ABCA13: variants seen among roughly 807,000 people sequenced by gnomAD.
ABCA13 encodes the protein ATP binding cassette subfamily A member 13.
In ABCA13, 476 loss-of-function variants were observed where a neutral mutation model predicts 478.7. That is an observed-to-expected ratio of 0.99 (90% CI 0.92 to 1.07). The LOEUF is 1.07. Ranked by LOEUF, ABCA13 falls within the 50% of genes least tolerant of loss-of-function variation. The pLI is 0.00. For synonymous variants in ABCA13, 2,252 were observed against 2,158.9 expected (o/e 1.04, Z -1.20); for missense variants, 6,060 against 5,910.6 (o/e 1.03, Z -0.83).
At chr7:48,202,383 G>C (rs1421440728) in intron 3 of ABCA13, among the ~76,000 whole-genome samples, 1 of 152,060 alleles carries the variant, frequency 6.6e-6, no homozygotes, top group African/African-American at 2.4e-5. Flanking sequence ...AAGGCCCCAG[G>C]AGAGGAGCTA....
intron 1 of ABCA13, among the ~76,000 whole-genome samples, chr7:48,189,996 AT>A (rs775962481): frequency 3.9e-5 from 6 of 152,224 alleles, no homozygotes; most frequent in Non-Finnish European, 7.3e-5. Context: ...GAATTATTAT[AT>A]GCTTAACTTG....
intron 27 of ABCA13, among the ~76,000 whole-genome samples, chr7:48,318,711 G>T (rs1372341773): frequency 6.6e-6 from 1 of 151,878 alleles, no homozygotes; most frequent in East Asian, 1.9e-4. Context: ...GAGCCTCTGC[G>T]CCATTACTCG....
At chr7:48,291,465 T>C (rs1044390803) in intron 20 of ABCA13, among the ~76,000 whole-genome samples, 8 of 152,130 alleles carry the variant, frequency 5.3e-5, no homozygotes, top group African/African-American at 1.9e-4. Context: ...CCCAAAGTAG[T>C]GCCTCTGAGC....
intron 5 of ABCA13, among the ~76,000 whole-genome samples, chr7:48,224,431 G>C (rs1369276007): frequency 6.6e-6 from 1 of 152,182 alleles, no homozygotes; most frequent in Non-Finnish European, 1.5e-5. Context: ...GTTCCTGAGA[G>C]GCTTTGAGGA....
At chr7:48,632,405 A>G (rs980136057) in intron 59 of ABCA13, among the ~76,000 whole-genome samples, 2 of 152,096 alleles carry the variant, frequency 1.3e-5, no homozygotes, top group African/African-American at 4.8e-5. Flanking sequence ...AAGCACAAAC[A>G]TGTTTAATTT....
chr7:48,602,176 C>T (rs1790964322), intron 58 of ABCA13, among the ~76,000 whole-genome samples: 1 of 152,172 alleles, frequency 6.6e-6, no homozygotes, highest in Non-Finnish European at 1.5e-5. Flanking sequence ...TGTAGGTTGC[C>T]TGTTCACTCT....
intron 39 of ABCA13, among the ~76,000 whole-genome samples, chr7:48,409,912 T>C (rs1818758506): frequency 7.1e-6 from 1 of 141,598 alleles, no homozygotes; most frequent in African/African-American, 2.7e-5. Flanking sequence ...AAATCCCATG[T>C]CTACTAAAAA....
intron 11 of ABCA13, among the ~76,000 whole-genome samples, chr7:48,244,925 C>T (rs1253211567): frequency 1.3e-5 from 2 of 152,274 alleles, no homozygotes; most frequent in East Asian, 1.9e-4. Context: ...GCGCATCCTT[C>T]TGTTTTCCTT....
In ABCA13 at chr7:48,587,213, C is replaced by A. The variant is rs1268839706; in HGVS notation, c.14565C>A (p.Ala4855=). ...HLEAHADKPV[A]TYSGGTKRKL... ...AAGCCCACGCGGACAAACCTGTGGC[C>A]ACCTACAGTGGGGGAACCAAGCGGA... is the stretch of plus-strand genomic sequence containing the variant. The change falls in exon 57 of 62, where the codon GCC becomes GCA. Residue 4855 remains alanine (A), a synonymous_variant. Transcript: ENST00000435803. The A allele has an allele frequency of 6.2e-7, 1 of 1,612,824 alleles. No homozygotes were observed. The highest frequency in any genetic ancestry group is 2.2e-5 in the East Asian group (1 of 44,798).
chr7:48,306,586 C>T (rs2128871383), intron 23 of ABCA13, among the ~76,000 whole-genome samples: 1 of 152,290 alleles, frequency 6.6e-6, no homozygotes, highest in Middle Eastern at 3.4e-3. Context: ...TTCCCCTCTG[C>T]CCAGAGACAG....
chr7:48,370,238 A>G (rs1812419694), intron 32 of ABCA13, among the ~76,000 whole-genome samples: 2 of 152,180 alleles, frequency 1.3e-5, no homozygotes, highest in Non-Finnish European at 1.5e-5. Context: ...GTGTACATGA[A>G]TTTTGTATCC....
At chr7:48,477,145 T>G (rs1828190554) in intron 45 of ABCA13, among the ~76,000 whole-genome samples, 1 of 152,102 alleles carries the variant, frequency 6.6e-6, no homozygotes, top group African/African-American at 2.4e-5. Flanking sequence ...AATATTCAGT[T>G]TAATACAGAG....
At chr7:48,365,508 G>A (rs1811527170) in intron 31 of ABCA13, among the ~76,000 whole-genome samples, 1 of 152,094 alleles carries the variant, frequency 6.6e-6, no homozygotes, top group Non-Finnish European at 1.5e-5. Flanking sequence ...GTGTCCTGAA[G>A]CAGTTCTCTG....
intron 56 of ABCA13, among the ~76,000 whole-genome samples, chr7:48,581,881 C>A (rs532709568): frequency 1.3e-5 from 2 of 152,238 alleles, no homozygotes; most frequent in South Asian, 4.1e-4. Flanking sequence ...AACAAATTTT[C>A]TTTTCTATAT....
In ABCA13 at chr7:48,274,136, A is replaced by C; in HGVS notation, c.4470A>C (p.Leu1490Phe). Residue 1490 changes from leucine to phenylalanine, a missense_variant, in exon 17 of 62, where the codon TTA becomes TTC. Physicochemically the swap from Leu to Phe is conservative, Grantham distance 22. This residue lies in a region of ABCA13 where 4,423 missense variants were observed against 4,309.1 expected (regional missense o/e 1.03). Coordinates refer to ENST00000435803, the MANE Select transcript of ABCA13 (RefSeq NM_152701.5). ...AGAAACCTAAATTTGAGATTTTATT[A>C]GCTCTTTTAAATGATTCCACAAAGC... is the stretch of plus-strand genomic sequence containing the variant. ...KEKKPKFEIL[L>F]ALLNDSTKQV... 6.2e-7 allele frequency: 1 copy of C among 1,607,470 alleles called. No homozygotes were observed. The highest frequency in any genetic ancestry group is 8.5e-7 in the Non-Finnish European group (1 of 1,176,486).
intron 47 of ABCA13, among the ~76,000 whole-genome samples, chr7:48,486,440 C>G (rs866695120): frequency 3.9e-5 from 6 of 152,274 alleles, no homozygotes; most frequent in African/African-American, 1.4e-4. Context: ...ATATGCGTCA[C>G]CCTTTTTTCA....
Position 48,321,627 on chromosome 7 carries a change from C to T in ABCA13, c.9999+4331C>T, listed in dbSNP as rs185339937. On this transcript the variant is annotated intron_variant, in intron 27 of 61. Transcript: ENST00000435803. ...AAGGGAGCCAGATTTCCCTGACATC[C>T]ATGTCCTGAGCCAGTGTGTCAAGTG... Among the ~76,000 whole-genome samples the T allele has an allele frequency of 2.6e-5, 4 of 152,282 alleles. No individual in the cohort carries two copies. In the East Asian group the frequency reaches 7.7e-4, roughly 29 times the overall value.
At chr7:48,605,676 G>A (rs914812275) in intron 58 of ABCA13, among the ~76,000 whole-genome samples, 2 of 152,254 alleles carry the variant, frequency 1.3e-5, no homozygotes, top group African/African-American at 4.8e-5. Context: ...TGGTGAATCT[G>A]ATGATTATGT....
chr7:48,466,170 G>A (rs1826854891), intron 43 of ABCA13, among the ~76,000 whole-genome samples: 1 of 151,998 alleles, frequency 6.6e-6, no homozygotes, highest in African/African-American at 2.4e-5. Flanking sequence ...GTCCAATTTA[G>A]AAAATCTTAA....
Sources: allele counts gnomAD v4.1 joint callset (sites outside exome capture counted in the v4.1 genomes callset), GRCh38; gene constraint gnomAD v4.1.1; regional missense constraint gnomAD v4.1.1; transcripts MANE v1.5; gene names NCBI Gene and HGNC (gene_info 2026-07-23, HGNC 2026-07-21).